RUFY2: variants seen among roughly 807,000 people sequenced by gnomAD.
RUFY2 encodes the protein RUN and FYVE domain-containing protein 2.
A neutral mutation model predicts 94.4 loss-of-function variants in RUFY2; 49 were observed. That is an observed-to-expected ratio of 0.52 (90% CI 0.41 to 0.66). The LOEUF (loss-of-function observed/expected upper bound fraction) is 0.66. RUFY2 is among the 30% of genes least tolerant of loss of function. The pLI, the probability that RUFY2 is intolerant of heterozygous loss-of-function variation, is 0.00. For synonymous variants in RUFY2, 255 were observed against 235.7 expected, an observed-to-expected ratio of 1.08 and a Z score of -0.75; for missense variants, 541 against 692.8, an observed-to-expected ratio of 0.78 and a Z score of 2.46.
downstream of RUFY2, chr10:68,342,468 A>G (rs886891769): frequency 6.4e-6 from 1 of 156,236 alleles, no homozygotes; most frequent in African/African-American, 2.4e-5. Flanking sequence ...AATTAGTGTA[A>G]CTTTTTTCTT....
rs116224717 is a variant in RUFY2, at chr10:68,402,572, G to A, written c.179-835C>T. On this transcript the variant is annotated intron_variant, in intron 2 of 17. Transcript: ENST00000602465. ...GTAAAGGAAATACAGTCTAAAAATAGTTTAAAATTTAACTATTTTGGCCAT... is the reference window on the plus strand; with the variant it reads ...GTAAAGGAAATACAGTCTAAAAATAATTTAAAATTTAACTATTTTGGCCAT... Among the ~76,000 whole-genome samples the A allele has an allele frequency of 5.9e-3, 903 of 152,140 alleles. 17 individuals carry two copies. The highest frequency in any genetic ancestry group is 0.021 in the African/African-American group (867 of 41,492).
chr10:68,375,953 A>G (rs1735892689), intron 13 of RUFY2, among the ~76,000 whole-genome samples: 1 of 151,028 alleles, frequency 6.6e-6, no homozygotes, highest in Non-Finnish European at 1.5e-5. Context: ...ACAAAAACTT[A>G]GCCAGGTGTG....
Position 68,369,379 on chromosome 10 carries a change from G to T in RUFY2, c.1326-5266C>A, listed in dbSNP as rs961569021. Among the ~76,000 whole-genome samples, 5 of 151,892 alleles carry T rather than the reference G, an allele frequency of 3.3e-5. No homozygotes were observed. In the South Asian group the frequency reaches 6.2e-4, roughly 19 times the overall value. ...GTGTGCCTATAGTCCCAGCTACTAG[G>T]GGGGCTGAGGCAGGAGGATTGCCTG... On this transcript the variant is annotated intron_variant, in intron 13 of 17. Coordinates refer to ENST00000602465, the MANE Select transcript of RUFY2 (RefSeq NM_001330103.2).
chr10:68,379,285 G>A (rs987742624), intron 12 of RUFY2, 139 bp downstream of exon 12: 12 of 605,274 alleles, frequency 2.0e-5, no homozygotes, highest in Middle Eastern at 4.6e-4. Context: ...AAGCAAAAAC[G>A]CAAAATCCTG....
At position 68,383,848 on chromosome 10, in the gene RUFY2, T is replaced by C. The variant is rs1274249853; in HGVS notation, c.889A>G (p.Met297Val). The C allele has an allele frequency of 6.2e-7, 1 of 1,614,014 alleles. No homozygotes were observed. Residue 297 changes from methionine to valine, a missense_variant, in exon 10 of 18, where the codon ATG becomes GTG. By Grantham distance (21) the Met-to-Val change is conservative. This residue lies in a region of RUFY2 where 403 missense variants were observed against 480.7 expected (regional missense o/e 0.84). Coordinates refer to ENST00000602465, the MANE Select transcript of RUFY2 (RefSeq NM_001330103.2). Reference protein sequence around the residue: ...YKHSRQGLDEMYNEARRQLRD... With the variant: ...YKHSRQGLDEVYNEARRQLRD... Reference sequence around the variant, plus strand: ...AGCTGCCTTCTGGCTTCATTGTACATTTCATCTAGCCCCTGACGAGAATGC... The same window carrying C: ...AGCTGCCTTCTGGCTTCATTGTACACTTCATCTAGCCCCTGACGAGAATGC...
intron 10 of RUFY2, among the ~76,000 whole-genome samples, chr10:68,383,445 C>G (rs2132835054): frequency 6.6e-6 from 1 of 152,206 alleles, no homozygotes; most frequent in East Asian, 1.9e-4. Context: ...ATGGTGAAAC[C>G]CCATCTCTAC....
At chr10:68,353,474 G>A (rs2046837437) in intron 16 of RUFY2, among the ~76,000 whole-genome samples, 1 of 151,908 alleles carries the variant, frequency 6.6e-6, no homozygotes, top group South Asian at 2.1e-4. Context: ...TCCAGCCTGG[G>A]TGAAGAAGCA....
chr10:68,396,903 T>G, intron 3 of RUFY2, 22 bp from the exon 4 acceptor site: 1 of 1,525,116 alleles, frequency 6.6e-7, no homozygotes, highest in Non-Finnish European at 9.1e-7. Flanking sequence ...AACCAATTGA[T>G]CAGAAAACAG....
At chr10:68,341,880 G>C, downstream of RUFY2, 1 of 1,594,158 alleles carries the variant, frequency 6.3e-7, no homozygotes. Context: ...GTTTGTGTTA[G>C]TCCGCATATG....
chr10:68,406,547 C>A, intron 1 of RUFY2, among the ~76,000 whole-genome samples: 1 of 152,192 alleles, frequency 6.6e-6, no homozygotes, highest in East Asian at 1.9e-4. Flanking sequence ...GCGTTCACAC[C>A]GCGGCCACGC....
chr10:68,343,734 G>C lies in RUFY2; in HGVS notation c.*2034C>G, dbSNP rs1328274480. ...ACAGATTGTTAAAAGTCTTGTAACA[G>C]AAAAATCCAAAGTTAGTATAGTTTT... is the stretch of plus-strand genomic sequence containing the variant. On this transcript the variant is annotated 3_prime_UTR_variant, in exon 18 of 18. Coordinates refer to ENST00000602465, the MANE Select transcript of RUFY2 (RefSeq NM_001330103.2). The C allele has an allele frequency of 8.2e-6, 1 of 122,692 alleles. No individual in the cohort carries two copies. The highest frequency in any genetic ancestry group is 3.3e-5 in the African/African-American group (1 of 30,644). 7.6% of individuals were successfully genotyped at this position (122,692 alleles called of 1,614,324 possible). A position where few individuals can be genotyped will look rare whatever the true frequency, so the allele number is the denominator to read the frequency against.
At chr10:68,392,852 T>C (rs1472974339) in intron 7 of RUFY2, among the ~76,000 whole-genome samples, 2 of 145,052 alleles carry the variant, frequency 1.4e-5, no homozygotes, top group African/African-American at 5.2e-5. Context: ...CACTTGAACC[T>C]GGGAGGCGGA....
At position 68,361,156 on chromosome 10, in the gene RUFY2, C is replaced by A. The variant is rs982420333; in HGVS notation, c.1550+2434G>T. Among the ~76,000 whole-genome samples the A allele has an allele frequency of 2.6e-5, 4 of 151,564 alleles. No homozygotes were observed. The East Asian group carries it at 5.9e-4, about 22-fold the overall frequency. On this transcript the variant is annotated intron_variant, in intron 15 of 17. Transcript: ENST00000602465. ...AGGTGTGGTGGTGGGCGCCAGTAATCCCAGCTACTCAGGAGGCTGGGGCAG... is the reference window on the plus strand; with the variant it reads ...AGGTGTGGTGGTGGGCGCCAGTAATACCAGCTACTCAGGAGGCTGGGGCAG...
intron 15 of RUFY2, among the ~76,000 whole-genome samples, chr10:68,359,250 C>T (rs764027328): frequency 2.0e-5 from 3 of 151,530 alleles, no homozygotes; most frequent in Non-Finnish European, 4.4e-5. Flanking sequence ...TGGTGGCACA[C>T]GCCTGTAATC....
rs1219594271 is a variant in RUFY2 at position 68,401,727 on chromosome 10, T to C, written c.189A>G (p.Ser63=). ...CLKHGLKVRK[S]FLSYNKTIWG... The stretch of plus-strand genomic sequence containing the variant: ...AGATGGTTTTGTTGTAACTCAAAAA[T>C]GATTTTCTTACTGAAAAAAAGAACA... Residue 63 remains serine (S), a synonymous_variant, in exon 3 of 18, where the codon TCA becomes TCG. Coordinates refer to ENST00000602465, the MANE Select transcript of RUFY2 (RefSeq NM_001330103.2). The C allele has an allele frequency of 5.0e-6, 8 of 1,607,092 alleles. No individual in the cohort carries two copies. In the Admixed American group the frequency reaches 8.3e-5, roughly 17 times the overall value.
intron 12 of RUFY2, chr10:68,378,258 C>A: frequency 1.9e-6 from 2 of 1,066,406 alleles, no homozygotes; most frequent in Non-Finnish European, 2.3e-6. Flanking sequence ...TATTTTTAAA[C>A]AATCTTTATA....
intron 16 of RUFY2, among the ~76,000 whole-genome samples, chr10:68,347,222 C>T (rs981933922): frequency 1.3e-5 from 2 of 148,428 alleles, no homozygotes; most frequent in Non-Finnish European, 3.0e-5. Context: ...GCTATGTAAA[C>T]GTTAGTAAAA....
chr10:68,404,984 C>T (rs1397862371), intron 1 of RUFY2, 140 bp from the exon 2 acceptor site: 2 of 666,254 alleles, frequency 3.0e-6, no homozygotes, highest in Non-Finnish European at 4.8e-6. Context: ...AAACCACACC[C>T]TTGATTAACT....
chr10:68,367,481 T>C (rs1172158922), intron 13 of RUFY2, among the ~76,000 whole-genome samples: 1 of 152,182 alleles, frequency 6.6e-6, no homozygotes, highest in East Asian at 1.9e-4. Flanking sequence ...AGACAGGAAC[T>C]CACTCTGTCA....
Sources: gnomAD v4.1 joint callset for allele counts (sites outside exome capture counted in the v4.1 genomes callset) on GRCh38, gnomAD v4.1.1 for gene constraint, gnomAD v4.1.1 regional missense constraint, MANE v1.5 for transcripts, NCBI Gene and HGNC (gene_info 2026-07-23, HGNC 2026-07-21) for gene names.